The following TMEM132B variants were observed in gnomAD, a reference collection of about 807,000 sequenced individuals.
TMEM132B encodes the protein transmembrane protein 132B.
A neutral mutation model predicts 90.8 loss-of-function variants in TMEM132B; 18 were observed. That is an observed-to-expected ratio of 0.20 (90% confidence interval 0.14 to 0.29). The LOEUF is 0.29. Among genes scored for constraint, TMEM132B ranks in the 10% least tolerant of loss-of-function variants. The probability of loss-of-function intolerance (pLI) is 1.00; values close to 1 mark genes in which losing one functional copy is unlikely to be tolerated. For missense variants in TMEM132B, 1,096 were observed against 1,326.8 expected (o/e 0.83, Z 2.70); for synonymous variants, 504 against 523.3 (o/e 0.96, Z 0.50).
At chr12:125,500,253 A>G (rs910159559) in intron 3 of TMEM132B, among the ~76,000 whole-genome samples, 1 of 152,220 alleles carries the variant, frequency 6.6e-6, no homozygotes, top group Non-Finnish European at 1.5e-5. Context: ...AGTTTGAATT[A>G]TCTAAGCAGA....
chr12:125,270,235 C>G (rs759756567), intron 1 of TMEM132B, among the ~76,000 whole-genome samples: 1 of 152,102 alleles, frequency 6.6e-6, no homozygotes, highest in East Asian at 1.9e-4. Flanking sequence ...CTCCTACGCT[C>G]AAGCCATCCT....
chr12:125,270,112 T>TTGTG lies in TMEM132B; in HGVS notation c.68-79306_68-79303dup, dbSNP rs59168219. On this transcript the variant is annotated intron_variant, in intron 1 of 8. Coordinates refer to ENST00000682704, the MANE Select transcript of TMEM132B (RefSeq NM_001366854.1). ...GCTAATGCCACATCTCACATCTTTG[T>TTGTG]TGTGTGTGTGTGTGTGTGTGTGTGT... Among the ~76,000 whole-genome samples the TTGTG allele has an allele frequency of 7.8e-3, 1,124 of 143,226 alleles. 10 individuals are homozygous for TTGTG. Among genetic ancestry groups the TTGTG allele is most frequent in the African/African-American group, 0.023 (862 of 38,072 alleles). 94.0% of individuals were successfully genotyped at this position (143,226 alleles called of 152,430 possible).
intron 1 of TMEM132B, among the ~76,000 whole-genome samples, chr12:125,331,037 A>T (rs1876751297): frequency 1.3e-5 from 2 of 152,194 alleles, no homozygotes; most frequent in Non-Finnish European, 2.9e-5. Flanking sequence ...CGTCTCTGGA[A>T]GAGGGGAGGG....
At chr12:125,394,130 A>T (rs1055877259) in intron 2 of TMEM132B, among the ~76,000 whole-genome samples, 2 of 152,184 alleles carry the variant, frequency 1.3e-5, no homozygotes, top group African/African-American at 4.8e-5. Context: ...TTCAAACAGC[A>T]CCCACTAAGT....
intron 5 of TMEM132B, among the ~76,000 whole-genome samples, chr12:125,616,184 C>T (rs989190145): frequency 1.1e-4 from 16 of 149,000 alleles, no homozygotes; most frequent in Non-Finnish European, 2.1e-4. Context: ...TGAGAACATG[C>T]GGTGTTTGGT....
At chr12:125,493,848 C>G (rs369625170) in intron 3 of TMEM132B, among the ~76,000 whole-genome samples, 1 of 151,064 alleles carries the variant, frequency 6.6e-6, no homozygotes, top group East Asian at 2.0e-4. Context: ...TCCCTCCTCC[C>G]CGTCCTCCCT....
intron 3 of TMEM132B, among the ~76,000 whole-genome samples, chr12:125,451,370 G>C (rs1026778720): frequency 1.3e-5 from 2 of 152,108 alleles, no homozygotes; most frequent in African/African-American, 4.8e-5. Context: ...GTATACATAC[G>C]TATGTATATA....
At chr12:125,570,883 G>C (rs547973610) in intron 4 of TMEM132B, among the ~76,000 whole-genome samples, 1 of 152,200 alleles carries the variant, frequency 6.6e-6, no homozygotes, top group Non-Finnish European at 1.5e-5. Flanking sequence ...AGTGTAGGTG[G>C]CCAGGCCTTG....
intron 1 of TMEM132B, among the ~76,000 whole-genome samples, chr12:125,188,876 A>G (rs1394367075): frequency 6.7e-6 from 1 of 150,180 alleles, no homozygotes; most frequent in South Asian, 2.1e-4. Flanking sequence ...AAAAAAAAGA[A>G]AAAAAGAAAT....
At chr12:125,517,807 G>A (rs1345242381) in intron 3 of TMEM132B, among the ~76,000 whole-genome samples, 1 of 152,172 alleles carries the variant, frequency 6.6e-6, no homozygotes, top group African/African-American at 2.4e-5. Context: ...ATGGCGGAAT[G>A]GGCATGAATG....
chr12:125,421,362 G>T (rs1880161389), intron 3 of TMEM132B, among the ~76,000 whole-genome samples: 1 of 152,206 alleles, frequency 6.6e-6, no homozygotes, highest in African/African-American at 2.4e-5. Flanking sequence ...TCACAATCAT[G>T]GCTGAAGGTG....
At chr12:125,476,874 T>C (rs1290887208) in intron 3 of TMEM132B, among the ~76,000 whole-genome samples, 1 of 152,166 alleles carries the variant, frequency 6.6e-6, no homozygotes, top group African/African-American at 2.4e-5. Context: ...GATGCAGCTC[T>C]GTGGGAGACG....
intron 1 of TMEM132B, among the ~76,000 whole-genome samples, chr12:125,248,651 A>G (rs1205275893): frequency 6.6e-6 from 1 of 152,214 alleles, no homozygotes; most frequent in East Asian, 1.9e-4. Context: ...GCAGAAGTGT[A>G]GTTGATTCTG....
At chr12:125,423,220 G>A (rs951825250) in intron 3 of TMEM132B, among the ~76,000 whole-genome samples, 1 of 152,176 alleles carries the variant, frequency 6.6e-6, no homozygotes, top group South Asian at 2.1e-4. Context: ...AGTTTTAAAC[G>A]ATTTTAGGAT....
chr12:125,598,863 A>G (rs1014358939), intron 5 of TMEM132B, among the ~76,000 whole-genome samples: 6 of 152,096 alleles, frequency 3.9e-5, no homozygotes, highest in Non-Finnish European at 7.4e-5. Flanking sequence ...CTTAGAAGCA[A>G]CTTAGGGGAA....
chr12:125,529,930 A>C (rs1883600047), intron 4 of TMEM132B, among the ~76,000 whole-genome samples: 1 of 152,156 alleles, frequency 6.6e-6, no homozygotes, highest in African/African-American at 2.4e-5. Context: ...ATGTATCTAC[A>C]TTCTCATATA....
At position 125,418,426 on chromosome 12, in the gene TMEM132B, A is replaced by G. The variant is rs183935196; in HGVS notation, c.1106+2749A>G. Among the ~76,000 whole-genome samples, 15 of 152,316 alleles carry G rather than the reference A, an allele frequency of 9.8e-5. No individual in the cohort carries two copies. The East Asian group carries it at 2.7e-3, about 27-fold the overall frequency. On this transcript the variant is annotated intron_variant, in intron 3 of 8. Coordinates refer to ENST00000682704, the MANE Select transcript of TMEM132B (RefSeq NM_001366854.1). ...ACCTCCCTTGGGCCCTAAGAAGGGCAGGGATTGTCACTTTGGCATGACAAT... is the reference window on the plus strand; with the variant it reads ...ACCTCCCTTGGGCCCTAAGAAGGGCGGGGATTGTCACTTTGGCATGACAAT...
chr12:125,347,406 A>G (rs1045604253), intron 1 of TMEM132B, among the ~76,000 whole-genome samples: 1 of 152,212 alleles, frequency 6.6e-6, no homozygotes, highest in South Asian at 2.1e-4. Flanking sequence ...GCCTTCTTAG[A>G]AAAAGGATGC....
At chr12:125,352,196 C>A (rs370969573) in intron 2 of TMEM132B, among the ~76,000 whole-genome samples, 5 of 152,354 alleles carry the variant, frequency 3.3e-5, no homozygotes, top group African/African-American at 9.6e-5. Flanking sequence ...TTTGATGTGT[C>A]AGGCAGAATC....
Sources: gnomAD v4.1 joint callset for allele counts (sites outside exome capture counted in the v4.1 genomes callset) on GRCh38, gnomAD v4.1.1 for gene constraint, MANE v1.5 for transcripts, NCBI Gene and HGNC (gene_info 2026-07-23, HGNC 2026-07-21) for gene names.